FBXW10B: variants seen among roughly 807,000 people sequenced by gnomAD.
FBXW10B encodes the protein F-box and WD repeat domain containing 10B, also known as F-box and WD repeat domain containing protein 10B.
At chr17:15,609,852 C>CTTTTTT in the FBXW10B span, among the ~76,000 whole-genome samples, 287 of 103,144 alleles carry the variant, frequency 2.8e-3, 2 homozygotes, top group East Asian at 4.0e-3. Context: ...TTCTTTCTTT[C>CTTTTTT]TTTTTTTTTT....
the FBXW10B span, among the ~76,000 whole-genome samples, chr17:15,609,981 C>G: frequency 6.6e-6 from 1 of 151,326 alleles, no homozygotes; most frequent in African/African-American, 2.4e-5. Flanking sequence ...CTGCCTCAGC[C>G]TCCCGGGTAG....
chr17:15,568,965 T>C, the FBXW10B span: 22 of 1,231,408 alleles, frequency 1.8e-5, no homozygotes, highest in East Asian at 4.7e-4. Flanking sequence ...CTTCTCTGCC[T>C]TCTTCCTAAC....
chr17:15,566,831 T>A, the FBXW10B span, among the ~76,000 whole-genome samples: 1 of 151,686 alleles, frequency 6.6e-6, no homozygotes, highest in Non-Finnish European at 1.5e-5. Flanking sequence ...CCCAAAGTGC[T>A]GGGATTACAG....
At chr17:15,606,957 A>G in the FBXW10B span, among the ~76,000 whole-genome samples, 1 of 152,236 alleles carries the variant, frequency 6.6e-6, no homozygotes, top group African/African-American at 2.4e-5. Flanking sequence ...AATATGGCAG[A>G]AAGTTGCTTA....
At chr17:15,618,849 C>G in the FBXW10B span, 1 of 985,234 alleles carries the variant, frequency 1.0e-6, no homozygotes, top group African/African-American at 1.7e-5. Flanking sequence ...TAAACAGGAT[C>G]GGGTGTCAGG....
chr17:15,597,819 G>A, the FBXW10B span, among the ~76,000 whole-genome samples: 27,459 of 152,108 alleles, frequency 0.18, 2,727 homozygotes, highest in African/African-American at 0.24. Context: ...AACAGCCGGC[G>A]ATGACTCAAG....
At chr17:15,610,078 C>T in the FBXW10B span, among the ~76,000 whole-genome samples, 30,927 of 151,580 alleles carry the variant, frequency 0.2, 3,599 homozygotes, top group African/African-American at 0.3. Context: ...GCCAGGCTGG[C>T]CTTGAACTCC....
chr17:15,618,485 TC>T, the FBXW10B span, among the ~76,000 whole-genome samples: 1 of 150,584 alleles, frequency 6.6e-6, no homozygotes, highest in South Asian at 2.1e-4. Flanking sequence ...CCTTAAGCTA[TC>T]TCCAGCCTTG....
At chr17:15,586,146 T>A in the FBXW10B span, among the ~76,000 whole-genome samples, 53 of 151,856 alleles carry the variant, frequency 3.5e-4, no homozygotes, top group Non-Finnish European at 4.9e-4. Context: ...TTGGTTGTTG[T>A]TTCTACCGTT....
the FBXW10B span, among the ~76,000 whole-genome samples, chr17:15,602,849 G>C: frequency 8.3e-6 from 1 of 121,018 alleles, no homozygotes; most frequent in Non-Finnish European, 1.6e-5. Flanking sequence ...GGATGGTCTC[G>C]ATCTCCTGAC....
chr17:15,606,153 T>C, the FBXW10B span, among the ~76,000 whole-genome samples: 1 of 141,582 alleles, frequency 7.1e-6, no homozygotes, highest in Admixed American at 7.3e-5. Context: ...AACCTCCAGC[T>C]CTTGGCCTCA....
At chr17:15,566,710 G>A in the FBXW10B span, among the ~76,000 whole-genome samples, 9 of 151,754 alleles carry the variant, frequency 5.9e-5, no homozygotes, top group Middle Eastern at 3.4e-3. Context: ...ACAGGCGTCC[G>A]CCACCATGCC....
chr17:15,595,731 G>A, the FBXW10B span, among the ~76,000 whole-genome samples: 28,177 of 151,858 alleles, frequency 0.19, 3,021 homozygotes, highest in African/African-American at 0.27. Context: ...AACACCACCC[G>A]CTAAGGCTAG....
At chr17:15,600,561 A>C in the FBXW10B span, among the ~76,000 whole-genome samples, 1 of 150,734 alleles carries the variant, frequency 6.6e-6, no homozygotes, top group Non-Finnish European at 1.5e-5. Flanking sequence ...TTCCAGATTT[A>C]GTAAAAGGTA....
chr17:15,613,762 G>A, the FBXW10B span: 1 of 1,613,532 alleles, frequency 6.2e-7, no homozygotes, highest in South Asian at 1.1e-5. Context: ...AAAAAAAGAT[G>A]GACCCAGAAA....
the FBXW10B span, among the ~76,000 whole-genome samples, chr17:15,593,102 C>CAAAA: frequency 8.0e-6 from 1 of 125,350 alleles, no homozygotes; most frequent in Non-Finnish European, 1.7e-5. Context: ...AACTATGTCT[C>CAAAA]AAAAAAAAAA....
the FBXW10B span, among the ~76,000 whole-genome samples, chr17:15,600,655 A>G: frequency 6.6e-6 from 1 of 152,148 alleles, no homozygotes; most frequent in Non-Finnish European, 1.5e-5. Context: ...CAAGATGAAG[A>G]TGCCCACTCT....
At chr17:15,604,100 A>G in the FBXW10B span, among the ~76,000 whole-genome samples, 2,049 of 146,614 alleles carry the variant, frequency 0.014, 70 homozygotes, top group African/African-American at 0.052. Context: ...AACAAAAACT[A>G]GAAACAATGC....
chr17:15,602,289 TG>T, the FBXW10B span, among the ~76,000 whole-genome samples: 1 of 151,974 alleles, frequency 6.6e-6, no homozygotes, highest in Non-Finnish European at 1.5e-5. Context: ...CATGCACATA[TG>T]GGAAATTTCC....
Sources: allele counts gnomAD v4.1 joint callset (sites outside exome capture counted in the v4.1 genomes callset), GRCh38; gene constraint gnomAD v4.1.1; transcripts MANE v1.5; gene names NCBI Gene and HGNC (gene_info 2026-07-23, HGNC 2026-07-21).